The following ITGA1 variants were observed in gnomAD, a reference collection of about 807,000 sequenced individuals.
ITGA1 encodes the protein integrin alpha-1.
In ITGA1, 85 loss-of-function variants were observed where a neutral mutation model predicts 145.9. That is an observed-to-expected ratio of 0.58 (90% CI 0.49 to 0.70). The LOEUF (loss-of-function observed/expected upper bound fraction) is 0.70, where lower values mean the gene tolerates loss of function less well. Ranked by LOEUF, ITGA1 falls within the 30% of genes least tolerant of loss-of-function variation. ITGA1 has a pLI of 0.00. For synonymous variants in ITGA1, 520 were observed against 495.3 expected, an observed-to-expected ratio of 1.05 and a Z score of -0.66; for missense variants, 1,351 against 1,418.7, an observed-to-expected ratio of 0.95 and a Z score of 0.77.
intron 1 of ITGA1, among the ~76,000 whole-genome samples, chr5:52,847,544 T>C (rs1749356027): frequency 6.6e-6 from 1 of 151,594 alleles, no homozygotes; most frequent in South Asian, 2.1e-4. Context: ...TTGGAAATAA[T>C]TTTGTTTGTT....
intron 11 of ITGA1, among the ~76,000 whole-genome samples, chr5:52,899,654 C>T (rs1231051593): frequency 6.6e-6 from 1 of 152,104 alleles, no homozygotes; most frequent in Non-Finnish European, 1.5e-5. Flanking sequence ...GAAGCAATTC[C>T]CTGCTACAAG....
At chr5:52,915,905 AT>A (rs1750640138) in intron 15 of ITGA1, among the ~76,000 whole-genome samples, 1 of 152,166 alleles carries the variant, frequency 6.6e-6, no homozygotes, top group African/African-American at 2.4e-5. Flanking sequence ...AAACAAGAAA[AT>A]ATCCCTAATA....
At chr5:52,809,351 A>G (rs1375623023) in intron 1 of ITGA1, among the ~76,000 whole-genome samples, 1 of 152,178 alleles carries the variant, frequency 6.6e-6, no homozygotes, top group Non-Finnish European at 1.5e-5. Context: ...ATGGGAGCTC[A>G]GAGGGCTAAC....
intron 28 of ITGA1, among the ~76,000 whole-genome samples, chr5:52,948,123 G>A (rs1751162335): frequency 6.6e-6 from 1 of 152,052 alleles, no homozygotes; most frequent in Non-Finnish European, 1.5e-5. Context: ...TTTTGCTTAG[G>A]CTGAAATAGA....
At chr5:52,915,327 CAT>C in intron 14 of ITGA1, 135 bp from the exon 15 acceptor site, 2 of 831,120 alleles carry the variant, frequency 2.4e-6, no homozygotes, top group South Asian at 1.7e-5. Context: ...CTTATCTCCA[CAT>C]GAGGGACCTC....
At position 52,925,442 on chromosome 5, in the gene ITGA1, G is replaced by A. The variant is rs140890279; in HGVS notation, c.2568G>A (p.Arg856=). The change falls in exon 19 of 29, where the codon AGG becomes AGA. Residue 856 remains arginine, a synonymous_variant. Transcript: ENST00000282588. ...CAAAGGACAGTGCCTATAACACCAG[G>A]ACAATAGTGCATTATTCTCCAAATC... ...KNTKDSAYNT[R]TIVHYSPNLV... 75 of 1,613,998 alleles carry A rather than the reference G, an allele frequency of 4.6e-5. No homozygotes were observed. The African/African-American group carries it at 8.7e-4, about 19-fold the overall frequency.
intron 14 of ITGA1, among the ~76,000 whole-genome samples, chr5:52,913,644 A>T (rs1750600891): frequency 6.6e-6 from 1 of 152,218 alleles, no homozygotes; most frequent in Non-Finnish European, 1.5e-5. Flanking sequence ...TTAGATATTG[A>T]ACAACTACTT....
At chr5:52,811,114 A>G (rs1457111283) in intron 1 of ITGA1, among the ~76,000 whole-genome samples, 2 of 152,354 alleles carry the variant, frequency 1.3e-5, no homozygotes, top group Non-Finnish European at 2.9e-5. Context: ...TACAGTTACC[A>G]AAGATTATAA....
chr5:52,908,998 A>C lies in ITGA1; in HGVS notation c.1556A>C (p.Glu519Ala). 6.2e-7 allele frequency: 1 copy of C among 1,613,948 alleles called. No homozygotes were observed. The highest frequency in any genetic ancestry group is 8.5e-7 in the Non-Finnish European group (1 of 1,179,880). Residue 519 changes from glutamate (E) to alanine (A), a missense_variant, in exon 13 of 29, where the codon GAG becomes GCG. By Grantham distance (107) the Glu-to-Ala change is moderately radical (BLOSUM62 -1). Coordinates refer to ENST00000282588, the MANE Select transcript of ITGA1 (RefSeq NM_181501.2). Reference protein sequence around the residue: ...LVGAPMYMGTEKEEQGKVYVY... With the variant: ...LVGAPMYMGTAKEEQGKVYVY... ...GGAGCCCCTATGTACATGGGAACAGAGAAGGAGGAGCAAGGAAAAGTGTAT... is the reference window on the plus strand; with the variant it reads ...GGAGCCCCTATGTACATGGGAACAGCGAAGGAGGAGCAAGGAAAAGTGTAT...
chr5:52,898,334 C>A lies in ITGA1; in HGVS notation c.1260C>A (p.Thr420=), dbSNP rs141840964. 286 of 1,610,804 alleles carry A rather than the reference C, an allele frequency of 1.8e-4. No homozygotes were observed. The highest frequency in any genetic ancestry group is 2.3e-4 in the Non-Finnish European group (274 of 1,177,870). ...ASQIIIPRNT[T]FNVESTKKNE... ...AAATCATAATCCCTCGAAACACAACCTTTAATGTTGAGTCTACCAAAAAGA... is the reference window on the plus strand; with the variant it reads ...AAATCATAATCCCTCGAAACACAACATTTAATGTTGAGTCTACCAAAAAGA... The change falls in exon 11 of 29, where the codon ACC becomes ACA. Residue 420 remains threonine, a synonymous_variant. Coordinates refer to ENST00000282588, the MANE Select transcript of ITGA1 (RefSeq NM_181501.2).
At chr5:52,821,545 C>T (rs1748879226) in intron 1 of ITGA1, among the ~76,000 whole-genome samples, 1 of 152,170 alleles carries the variant, frequency 6.6e-6, no homozygotes, top group African/African-American at 2.4e-5. Flanking sequence ...AATGTTTATA[C>T]TACCAATGCC....
At chr5:52,930,622 G>T (rs915847554) in intron 21 of ITGA1, among the ~76,000 whole-genome samples, 2 of 152,104 alleles carry the variant, frequency 1.3e-5, no homozygotes, top group Non-Finnish European at 1.5e-5. Flanking sequence ...GGGAACCCAA[G>T]AAAGCTTTAT....
chr5:52,946,367 G>GTGTTT (rs775807812), intron 27 of ITGA1, among the ~76,000 whole-genome samples: 6 of 152,252 alleles, frequency 3.9e-5, no homozygotes, highest in Admixed American at 6.5e-5. Flanking sequence ...AACCCCATCT[G>GTGTTT]TGTTTTGTTT....
chr5:52,800,942 A>G, intron 1 of ITGA1: 2 of 1,614,168 alleles, frequency 1.2e-6, no homozygotes, highest in Non-Finnish European at 1.7e-6. Flanking sequence ...CGGGCCTTGG[A>G]GCGGTTCTAT....
intron 26 of ITGA1, among the ~76,000 whole-genome samples, chr5:52,943,645 G>A (rs562623748): frequency 1.3e-3 from 195 of 152,256 alleles, no homozygotes; most frequent in Non-Finnish European, 2.4e-3. Context: ...CTCGGGCAGA[G>A]GCCATGGCAG....
At position 52,952,630 on chromosome 5, in the gene ITGA1, A is replaced by G. The variant is rs1751241896; in HGVS notation, c.*179A>G. 1 of 307,086 alleles carries G rather than the reference A, an allele frequency of 3.3e-6. No homozygotes were observed. The highest frequency in any genetic ancestry group is 6.3e-6 in the Non-Finnish European group (1 of 159,800). The allele number at this position is 307,086 out of a possible 1,614,324, so 19.0% of individuals were successfully genotyped here. ...TATCCAAAAACAATACCAAAAAGAC[A>G]TATTTTATAAAATGACAAAAAATAT... On this transcript the variant is annotated 3_prime_UTR_variant, in exon 29 of 29. Transcript: ENST00000282588.
chr5:52,912,656 T>C (rs1217985352), intron 14 of ITGA1, among the ~76,000 whole-genome samples: 1 of 147,888 alleles, frequency 6.8e-6, no homozygotes, highest in African/African-American at 2.5e-5. Context: ...ATACACTATA[T>C]ATAGTGTATC....
At chr5:52,894,579 A>C (rs1341534379) in intron 9 of ITGA1, among the ~76,000 whole-genome samples, 3 of 152,114 alleles carry the variant, frequency 2.0e-5, no homozygotes, top group Non-Finnish European at 4.4e-5. Context: ...TTCTTTCTTC[A>C]CATTCTTTGA....
intron 1 of ITGA1, among the ~76,000 whole-genome samples, chr5:52,833,258 G>T (rs1749105749): frequency 6.6e-6 from 1 of 151,592 alleles, no homozygotes; most frequent in South Asian, 2.1e-4. Context: ...GGCCATCTTT[G>T]AAAAGACAGT....
Sources: allele counts gnomAD v4.1 joint callset (sites outside exome capture counted in the v4.1 genomes callset), GRCh38; gene constraint gnomAD v4.1.1; transcripts MANE v1.5; gene names NCBI Gene and HGNC (gene_info 2026-07-23, HGNC 2026-07-21).